HEMK2: variants seen among roughly 807,000 people sequenced by gnomAD.
HEMK2 encodes HemK methyltransferase 2, ETF1 glutamine and histone H4 lysine.
chr21:28,664,575 C>T, the HEMK2 span, among the ~76,000 whole-genome samples: 22 of 152,186 alleles, frequency 1.4e-4, no homozygotes, highest in Non-Finnish European at 2.9e-4. Context: ...GAAAGCATGA[C>T]TTTTTCCTCC....
At chr21:28,812,989 T>C in the HEMK2 span, among the ~76,000 whole-genome samples, 1 of 152,224 alleles carries the variant, frequency 6.6e-6, no homozygotes, top group Admixed American at 6.5e-5. Flanking sequence ...ATATCCCCTT[T>C]ATCATTTTTT....
chr21:28,586,765 T>C, the HEMK2 span, among the ~76,000 whole-genome samples: 2 of 152,224 alleles, frequency 1.3e-5, no homozygotes, highest in Non-Finnish European at 1.5e-5. Context: ...CAGACTCTGG[T>C]AGAGTCCATG....
chr21:28,764,620 G>A, the HEMK2 span, among the ~76,000 whole-genome samples: 2 of 152,132 alleles, frequency 1.3e-5, no homozygotes, highest in Admixed American at 6.5e-5. Flanking sequence ...ATCTTCAGGA[G>A]AGAATAGCGA....
chr21:28,763,954 T>C, the HEMK2 span, among the ~76,000 whole-genome samples: 2 of 152,060 alleles, frequency 1.3e-5, no homozygotes, highest in African/African-American at 4.8e-5. Context: ...TCCAGCTTCC[T>C]CATCCTGGGA....
the HEMK2 span, among the ~76,000 whole-genome samples, chr21:28,607,550 T>C: frequency 6.6e-6 from 1 of 152,192 alleles, no homozygotes; most frequent in African/African-American, 2.4e-5. Context: ...GTTCACCCAA[T>C]CCATGCAAAT....
At chr21:28,657,030 G>C in the HEMK2 span, among the ~76,000 whole-genome samples, 1 of 152,054 alleles carries the variant, frequency 6.6e-6, no homozygotes, top group Non-Finnish European at 1.5e-5. Context: ...TAAGTGGCAT[G>C]GATAGAGTAA....
At chr21:28,829,892 T>C in the HEMK2 span, among the ~76,000 whole-genome samples, 1 of 152,204 alleles carries the variant, frequency 6.6e-6, no homozygotes, top group East Asian at 1.9e-4. Context: ...TCATGAAATG[T>C]CCTGTTCATT....
the HEMK2 span, among the ~76,000 whole-genome samples, chr21:28,583,017 A>G: frequency 6.6e-6 from 1 of 152,218 alleles, no homozygotes; most frequent in East Asian, 1.9e-4. Flanking sequence ...TGGTACTATC[A>G]ATGCTGTTGA....
chr21:28,759,198 T>A, the HEMK2 span, among the ~76,000 whole-genome samples: 1 of 152,182 alleles, frequency 6.6e-6, no homozygotes, highest in African/African-American at 2.4e-5. Context: ...AGCATTTTCA[T>A]CTTGCACTGT....
the HEMK2 span, among the ~76,000 whole-genome samples, chr21:28,730,215 C>CAA: frequency 3.7e-4 from 55 of 150,400 alleles, no homozygotes; most frequent in African/African-American, 1.1e-3. Flanking sequence ...CCCATTGCCA[C>CAA]AAAAAAAAAG....
the HEMK2 span, among the ~76,000 whole-genome samples, chr21:28,677,208 G>A: frequency 6.6e-6 from 1 of 152,200 alleles, no homozygotes; most frequent in African/African-American, 2.4e-5. Context: ...CTAATACTGT[G>A]CTTTTCCAAC....
the HEMK2 span, among the ~76,000 whole-genome samples, chr21:28,801,179 G>A: frequency 6.6e-6 from 1 of 152,220 alleles, no homozygotes; most frequent in African/African-American, 2.4e-5. Context: ...AATGCACAGA[G>A]AGGCATGTTG....
chr21:28,684,794 C>T, the HEMK2 span, among the ~76,000 whole-genome samples: 31 of 152,296 alleles, frequency 2.0e-4, no homozygotes, highest in Admixed American at 3.3e-4. Context: ...TCCAACTGCC[C>T]TTCCTCACCT....
the HEMK2 span, among the ~76,000 whole-genome samples, chr21:28,784,990 C>T: frequency 3.3e-5 from 5 of 152,176 alleles, no homozygotes; most frequent in African/African-American, 4.8e-5. Context: ...CCGGTGAGAC[C>T]ATGAACCCAC....
chr21:28,577,318 T>C, the HEMK2 span: 1 of 152,338 alleles, frequency 6.6e-6, no homozygotes, highest in South Asian at 2.1e-4. Context: ...CTACTTGTGC[T>C]GGGACCTTGG....
the HEMK2 span, among the ~76,000 whole-genome samples, chr21:28,640,824 T>C: frequency 6.6e-6 from 1 of 152,192 alleles, no homozygotes; most frequent in African/African-American, 2.4e-5. Context: ...TGCATCCACT[T>C]CTAATTAACA....
chr21:28,861,469 G>A, the HEMK2 span, among the ~76,000 whole-genome samples: 1 of 152,186 alleles, frequency 6.6e-6, no homozygotes, highest in Non-Finnish European at 1.5e-5. Flanking sequence ...CAAATACAGA[G>A]AATCACGGCC....
the HEMK2 span, among the ~76,000 whole-genome samples, chr21:28,683,357 T>C: frequency 6.6e-6 from 1 of 152,166 alleles, no homozygotes; most frequent in African/African-American, 2.4e-5. Context: ...CTTATCACTA[T>C]GGCTGGTAAC....
the HEMK2 span, among the ~76,000 whole-genome samples, chr21:28,608,339 A>G: frequency 1.3e-5 from 2 of 152,048 alleles, no homozygotes; most frequent in Non-Finnish European, 2.9e-5. Context: ...TGTATATTCA[A>G]GTAAACTAAA....
Sources: gnomAD v4.1 joint callset for allele counts (sites outside exome capture counted in the v4.1 genomes callset) on GRCh38, gnomAD v4.1.1 for gene constraint, MANE v1.5 for transcripts, NCBI Gene and HGNC (gene_info 2026-07-23, HGNC 2026-07-21) for gene names.